Variants in HECW2 observed in about 807,000 individuals in gnomAD.
HECW2 encodes HECT, C2 and WW domain containing E3 ubiquitin protein ligase 2.
Under a neutral mutation model 175.2 loss-of-function variants are expected in HECW2, and 61 were observed. That is an observed-to-expected ratio of 0.35 (90% CI 0.28 to 0.43). The LOEUF is 0.43. HECW2 is among the 20% of genes least tolerant of loss of function. The pLI is 1.00. For synonymous variants in HECW2, 671 were observed against 731.0 expected, an observed-to-expected ratio of 0.92 and a Z score of 1.32; for missense variants, 1,524 against 2,000.5, an observed-to-expected ratio of 0.76 and a Z score of 4.54.
chr2:196,576,604 T>C (rs556865915), intron 1 of HECW2, among the ~76,000 whole-genome samples: 3 of 152,296 alleles, frequency 2.0e-5, no homozygotes, highest in African/African-American at 7.2e-5. Flanking sequence ...GTTTCAGTTA[T>C]GCAAGATGAA....
At chr2:196,345,762 T>A (rs1052588982) in intron 2 of HECW2, among the ~76,000 whole-genome samples, 2 of 152,230 alleles carry the variant, frequency 1.3e-5, no homozygotes, top group Non-Finnish European at 2.9e-5. Flanking sequence ...CATTTCTGAC[T>A]TGATCTGGAA....
intron 10 of HECW2, among the ~76,000 whole-genome samples, chr2:196,312,371 T>C (rs1382004144): frequency 6.6e-6 from 1 of 152,184 alleles, no homozygotes; most frequent in African/African-American, 2.4e-5. Context: ...ACAGGTATCA[T>C]CACCAAAATG....
Position 196,570,358 on chromosome 2 carries a change from G to A in HECW2, c.-36+23150C>T, listed in dbSNP as rs528546068. ...CTTCTGAATTCACAAATTTATCGAC[G>A]TCAGAGTCATAAATCAAGCTTGCAA... On this transcript the variant is annotated intron_variant, in intron 1 of 28. Transcript: ENST00000644978. Among the ~76,000 whole-genome samples the A allele has an allele frequency of 1.7e-3, 258 of 152,110 alleles. 1 individual carries two copies. Among genetic ancestry groups the A allele is most frequent in the Non-Finnish European group, 2.9e-3 (194 of 68,026 alleles).
chr2:196,302,466 G>C (rs1215901032), intron 13 of HECW2, among the ~76,000 whole-genome samples: 5 of 152,222 alleles, frequency 3.3e-5, no homozygotes, highest in African/African-American at 7.2e-5. Context: ...GTCAATGGTA[G>C]TTTAATGGGA....
rs16852764 is a variant in HECW2, at chr2:196,500,717, T to G, written c.-35-67259A>C. Among the ~76,000 whole-genome samples the G allele has an allele frequency of 7.2e-3, 1,098 of 152,348 alleles. 21 individuals carry two copies. Among genetic ancestry groups the G allele is most frequent in the African/African-American group, 0.025 (1,053 of 41,586 alleles). On this transcript the variant is annotated intron_variant, in intron 1 of 28. Coordinates refer to ENST00000644978, the MANE Select transcript of HECW2 (RefSeq NM_001348768.2). ...ATGTTTTTCTAAGCCCATAAAAACA[T>G]TGCCTCAGAACAGCATTTGAAAACA...
At chr2:196,209,891 G>A (rs551975540) in intron 28 of HECW2, among the ~76,000 whole-genome samples, 5 of 151,978 alleles carry the variant, frequency 3.3e-5, no homozygotes, top group African/African-American at 7.3e-5. Flanking sequence ...TGCCTCCCGA[G>A]TAGATGGGGC....
intron 19 of HECW2, among the ~76,000 whole-genome samples, chr2:196,251,082 C>G (rs1001138423): frequency 1.3e-5 from 2 of 152,052 alleles, no homozygotes; most frequent in African/African-American, 4.8e-5. Flanking sequence ...CTCTGTTGCC[C>G]AGGCTGGAGT....
rs778773336 is a variant in HECW2 at position 196,199,182 on chromosome 2, T to C, written c.*2095A>G. 2 of 151,938 alleles carry C rather than the reference T, an allele frequency of 1.3e-5. No individual in the cohort carries two copies. The highest frequency in any genetic ancestry group is 4.9e-5 in the African/African-American group (2 of 40,888). 9.4% of individuals were successfully genotyped at this position (151,938 alleles called of 1,614,324 possible). A position where few individuals can be genotyped will look rare whatever the true frequency, so the allele number is the denominator to read the frequency against. On this transcript the variant is annotated 3_prime_UTR_variant, in exon 29 of 29. Transcript: ENST00000644978. Reference sequence around the variant, plus strand: ...GAAACATCTTGTATACCATCAAATATGTGACTTAAAAAAAAGTGTGTTATA... The same window carrying C: ...GAAACATCTTGTATACCATCAAATACGTGACTTAAAAAAAAGTGTGTTATA...
chr2:196,215,730 A>G (rs921429891), intron 28 of HECW2, 135 bp downstream of exon 28: 19 of 619,748 alleles, frequency 3.1e-5, no homozygotes, highest in Non-Finnish European at 5.3e-5. Flanking sequence ...AAAGGTTATC[A>G]GGGAGAAATT....
At chr2:196,220,684 G>T in intron 25 of HECW2, 111 bp downstream of exon 25, 1 of 1,181,102 alleles carries the variant, frequency 8.5e-7, no homozygotes, top group Non-Finnish European at 1.2e-6. Flanking sequence ...CGCATGGAAA[G>T]AGCAACAGTA....
At chr2:196,350,531 G>A (rs567321324) in intron 2 of HECW2, among the ~76,000 whole-genome samples, 1 of 152,304 alleles carries the variant, frequency 6.6e-6, no homozygotes, top group African/African-American at 2.4e-5. Context: ...TCTGCTTCAT[G>A]GTTATTTCCA....
chr2:196,307,320 T>C, intron 11 of HECW2, 87 bp from the exon 12 acceptor site: 1 of 836,302 alleles, frequency 1.2e-6, no homozygotes, highest in Non-Finnish European at 2.0e-6. Flanking sequence ...CTTTTCACTA[T>C]CTTCTCAGCT....
At chr2:196,207,969 G>A (rs567723207) in intron 28 of HECW2, among the ~76,000 whole-genome samples, 2 of 152,358 alleles carry the variant, frequency 1.3e-5, no homozygotes, top group African/African-American at 4.8e-5. Flanking sequence ...GAGAGATAAA[G>A]AGGGTACATA....
chr2:196,443,722 G>A (rs530092196), intron 1 of HECW2, among the ~76,000 whole-genome samples: 67 of 152,298 alleles, frequency 4.4e-4, no homozygotes, highest in African/African-American at 1.2e-3. Context: ...CACTTTTGGT[G>A]GTTTGCTCGT....
At chr2:196,471,709 G>A (rs1265705612) in intron 1 of HECW2, among the ~76,000 whole-genome samples, 2 of 152,070 alleles carry the variant, frequency 1.3e-5, no homozygotes, top group African/African-American at 4.8e-5. Flanking sequence ...GTGAATTGAT[G>A]CAGGAACAGA....
chr2:196,503,992 T>C (rs1190488924), intron 1 of HECW2, among the ~76,000 whole-genome samples: 1 of 152,038 alleles, frequency 6.6e-6, no homozygotes, highest in Non-Finnish European at 1.5e-5. Context: ...CAACGCCGAC[T>C]TCATTAAAAA....
intron 15 of HECW2, 109 bp downstream of exon 15, chr2:196,278,415 CAAAA>C: frequency 8.5e-6 from 8 of 943,104 alleles, no homozygotes; most frequent in East Asian, 3.0e-5. Context: ...AAATCAAACT[CAAAA>C]AAAAAAAAAA....
chr2:196,383,957 A>G lies in HECW2; in HGVS notation c.293-40193T>C, dbSNP rs184897498. On this transcript the variant is annotated intron_variant, in intron 2 of 28. Coordinates refer to ENST00000644978, the MANE Select transcript of HECW2 (RefSeq NM_001348768.2). ...TGTGTGACTGTGTCTCATATTACTC[A>G]TCTGTAAAATGGCAATGGGAATTGT... 2.0e-5 allele frequency among the ~76,000 whole-genome samples: 3 copies of G among 152,258 alleles called. No homozygotes were observed. The East Asian group carries it at 5.8e-4, about 29-fold the overall frequency.
intron 2 of HECW2, among the ~76,000 whole-genome samples, chr2:196,362,775 A>C (rs531045867): frequency 6.6e-6 from 1 of 152,298 alleles, no homozygotes; most frequent in South Asian, 2.1e-4. Flanking sequence ...GTCCAGATCC[A>C]CCATTCTTTA....
Sources: allele counts gnomAD v4.1 joint callset (sites outside exome capture counted in the v4.1 genomes callset), GRCh38; gene constraint gnomAD v4.1.1; transcripts MANE v1.5; gene names NCBI Gene and HGNC (gene_info 2026-07-23, HGNC 2026-07-21).